The following EMCN variants were observed in gnomAD, a reference collection of about 807,000 sequenced individuals.
The protein encoded by EMCN is endomucin, also known as MUC-14.
A neutral mutation model predicts 38.4 loss-of-function variants in EMCN; 37 were observed. The ratio of observed to expected loss-of-function variants is 0.96; its 90% CI spans 0.74 to 1.27. The LOEUF (loss-of-function observed/expected upper bound fraction) is 1.27. Ranked by LOEUF, EMCN falls within the 50% of genes most tolerant of loss-of-function variation. The pLI, the probability that EMCN is intolerant of heterozygous loss-of-function variation, is 0.00. For missense variants in EMCN, 318 were observed against 302.8 expected (o/e 1.05, Z -0.37); for synonymous variants, 95 against 100.8 (o/e 0.94, Z 0.35).
Position 100,460,160 on chromosome 4 carries a change from A to C in EMCN, c.376+5263T>G, listed in dbSNP as rs149030191. On this transcript the variant is annotated intron_variant, in intron 4 of 11. Transcript: ENST00000296420. ...ATAACTCATAGTGGTTTTAATTTGCATTTCCTTGATGATTAGTAATGTTGG... is the reference window on the plus strand; with the variant it reads ...ATAACTCATAGTGGTTTTAATTTGCCTTTCCTTGATGATTAGTAATGTTGG... Among the ~76,000 whole-genome samples the C allele has an allele frequency of 4.8e-3, 731 of 152,114 alleles. 11 individuals carry two copies. Among genetic ancestry groups the C allele is most frequent in the African/African-American group, 0.017 (691 of 41,494 alleles).
chr4:100,485,374 T>C (rs1472591201), intron 1 of EMCN, among the ~76,000 whole-genome samples: 1 of 152,090 alleles, frequency 6.6e-6, no homozygotes, highest in Admixed American at 6.6e-5. Context: ...CTCTGGTGTA[T>C]CACAGTATAT....
chr4:100,456,284 T>C (rs1192249257), intron 4 of EMCN, among the ~76,000 whole-genome samples: 1 of 152,220 alleles, frequency 6.6e-6, no homozygotes, highest in African/African-American at 2.4e-5. Flanking sequence ...ATATTAGTTT[T>C]TGTTGATCCA....
At chr4:100,512,275 C>G (rs973913465) in intron 1 of EMCN, among the ~76,000 whole-genome samples, 12 of 152,142 alleles carry the variant, frequency 7.9e-5, no homozygotes, top group African/African-American at 2.9e-4. Flanking sequence ...TTTTAAAAAT[C>G]TATTTTTCTT....
intron 11 of EMCN, among the ~76,000 whole-genome samples, chr4:100,407,606 T>G (rs4407510): frequency 0.9 from 137,292 of 152,160 alleles, 61,963 homozygotes; most frequent in South Asian, 0.96. Flanking sequence ...TCCACTGCTG[T>G]GGTTCCCTTT....
chr4:100,397,974 CAAT>C lies in EMCN; in HGVS notation c.*436_*438del, dbSNP rs1267926335. 2 of 152,012 alleles carry C rather than the reference CAAT, an allele frequency of 1.3e-5. No individual in the cohort carries two copies. The highest frequency in any genetic ancestry group is 4.8e-5 in the African/African-American group (2 of 41,474). The allele number at this position is 152,012 out of a possible 1,614,324, so 9.4% of individuals were successfully genotyped here. A position where few individuals can be genotyped will look rare whatever the true frequency, so the allele number is the denominator to read the frequency against. On this transcript the variant is annotated 3_prime_UTR_variant, in exon 12 of 12. Transcript: ENST00000296420. ...TTCCCTGCATTAACATAGTGGTAAA[CAAT>C]AAATACTAACAGTAGGTAATATAAG...
At chr4:100,490,720 T>A (rs1009500863) in intron 1 of EMCN, among the ~76,000 whole-genome samples, 1 of 152,204 alleles carries the variant, frequency 6.6e-6, no homozygotes, top group Non-Finnish European at 1.5e-5. Context: ...CGCTTTATGA[T>A]GTTCACACAA....
Position 100,421,328 on chromosome 4 carries a change from T to TA in EMCN, c.617dup (p.Phe207IlefsTer23), listed in dbSNP as rs778954720. On this transcript the variant is annotated frameshift_variant, in exon 8 of 12. Transcript: ENST00000296420. LOFTEE classifies it high-confidence loss of function. ...TTCGGTACAAACCCACCAGAACAAA[T>TA]ACTGAAAGTGTTATTACAATCAAAG... is the stretch of plus-strand genomic sequence containing the variant. 2.5e-6 allele frequency: 4 copies of TA among 1,612,808 alleles called. No homozygotes were observed. The South Asian group carries it at 4.4e-5, about 18-fold the overall frequency.
intron 11 of EMCN, among the ~76,000 whole-genome samples, chr4:100,399,152 G>A (rs1377821022): frequency 1.3e-5 from 2 of 152,178 alleles, no homozygotes; most frequent in East Asian, 3.9e-4. Flanking sequence ...CAAGCCTTTG[G>A]TTTAGTATTT....
At chr4:100,517,680 G>A (rs1242261907) in intron 1 of EMCN, among the ~76,000 whole-genome samples, 171 bp downstream of exon 1, 3 of 151,994 alleles carry the variant, frequency 2.0e-5, no homozygotes, top group East Asian at 1.9e-4. Context: ...AACAAATACC[G>A]TCTCTCTCAA....
chr4:100,471,717 A>G (rs1578215861), intron 3 of EMCN, among the ~76,000 whole-genome samples: 1 of 152,106 alleles, frequency 6.6e-6, no homozygotes, highest in African/African-American at 2.4e-5. Flanking sequence ...ACACCATGTA[A>G]AAAGAATTAT....
chr4:100,500,743 A>T (rs1291533483), intron 1 of EMCN, among the ~76,000 whole-genome samples: 1 of 152,128 alleles, frequency 6.6e-6, no homozygotes, highest in African/African-American at 2.4e-5. Context: ...TATATACAAT[A>T]CATTGAACAA....
rs116166504 is a variant in EMCN at position 100,398,260 on chromosome 4, C to T, written c.*153G>A. The T allele has an allele frequency of 8.5e-5, 13 of 152,222 alleles. No homozygotes were observed. The highest frequency in any genetic ancestry group is 3.1e-4 in the African/African-American group (13 of 41,538). 9.4% of individuals were successfully genotyped at this position (152,222 alleles called of 1,614,324 possible). A position where few individuals can be genotyped will look rare whatever the true frequency, so the allele number is the denominator to read the frequency against. ...AAATTATTGCATGTCAGCTGGACAT[C>T]ACTTTACTGGGACAGACGTCTGGTA... On this transcript the variant is annotated 3_prime_UTR_variant, in exon 12 of 12. Coordinates refer to ENST00000296420, the MANE Select transcript of EMCN (RefSeq NM_016242.4).
chr4:100,400,922 G>T (rs1726241857), intron 11 of EMCN, among the ~76,000 whole-genome samples: 1 of 151,910 alleles, frequency 6.6e-6, no homozygotes, highest in African/African-American at 2.4e-5. Context: ...AAATTAGTGT[G>T]TTGGCTTCAA....
chr4:100,475,065 C>T lies in EMCN; in HGVS notation c.232G>A (p.Ala78Thr). The change falls in exon 3 of 12, where the codon GCT (alanine) becomes ACT (threonine). Residue 78 changes from alanine to threonine, a missense_variant. By Grantham distance (58) the Ala-to-Thr change is moderately conservative. Transcript: ENST00000296420. ...TCATCTTTACTTGTTAAAAAAGTAG[C>T]TGTTGACATCAGAGACATTTTAAGT... ...ELLKMSLMST[A>T]TFLTSKDEGL... The T allele has an allele frequency of 6.5e-7, 1 of 1,538,376 alleles. No homozygotes were observed. Among genetic ancestry groups the T allele is most frequent in the Non-Finnish European group, 8.8e-7 (1 of 1,132,794 alleles).
intron 1 of EMCN, among the ~76,000 whole-genome samples, chr4:100,507,090 A>T (rs963342485): frequency 1.3e-5 from 2 of 152,190 alleles, no homozygotes; most frequent in African/African-American, 4.8e-5. Context: ...TCTCTAATAA[A>T]ACTATTTTTA....
intron 4 of EMCN, among the ~76,000 whole-genome samples, chr4:100,457,190 TTGTG>T (rs58939159): frequency 0.015 from 1,629 of 108,096 alleles, 33 homozygotes; most frequent in African/African-American, 0.054. Flanking sequence ...TATAGTTTGG[TTGTG>T]TGTGTGTGTG....
At position 100,486,319 on chromosome 4, in the gene EMCN, T is replaced by C. The variant is rs1428172706; in HGVS notation, c.65-6280A>G. Among the ~76,000 whole-genome samples, 7 of 151,904 alleles carry C rather than the reference T, an allele frequency of 4.6e-5. No homozygotes were observed. The East Asian group carries it at 1.3e-3, about 29-fold the overall frequency. The stretch of plus-strand genomic sequence containing the variant: ...AGAGGAAAACCAATAGTGCCAATAA[T>C]AGGAGGTCCAAAAAGGGACATTGAC... On this transcript the variant is annotated intron_variant, in intron 1 of 11. Coordinates refer to ENST00000296420, the MANE Select transcript of EMCN (RefSeq NM_016242.4).
intron 2 of EMCN, among the ~76,000 whole-genome samples, chr4:100,477,048 T>G (rs924531): frequency 0.26 from 39,459 of 152,064 alleles, 5,615 homozygotes; most frequent in African/African-American, 0.36. Context: ...TCACCATATT[T>G]AGCACCCTGT....
intron 11 of EMCN, among the ~76,000 whole-genome samples, chr4:100,403,233 T>C (rs558206806): frequency 2.6e-5 from 4 of 152,238 alleles, no homozygotes; most frequent in Admixed American, 6.6e-5. Flanking sequence ...CTCTGGTGTC[T>C]CTTGTTCCCC....
Sources: gnomAD v4.1 joint callset for allele counts (sites outside exome capture counted in the v4.1 genomes callset) on GRCh38, gnomAD v4.1.1 for gene constraint, MANE v1.5 for transcripts, NCBI Gene and HGNC (gene_info 2026-07-23, HGNC 2026-07-21) for gene names.